The following RPS3A variants were observed in gnomAD, a reference collection of about 807,000 sequenced individuals.
RPS3A encodes the protein small ribosomal subunit protein eS1.
RPS3A carries 1 observed loss-of-function variant against 26.4 expected under a neutral mutation model. The ratio of observed to expected loss-of-function variants is 0.04; its 90% CI spans 0.01 to 0.18. RPS3A has a LOEUF of 0.18. RPS3A is among the 10% of genes least tolerant of loss of function. The pLI is 1.00. For synonymous variants in RPS3A, 97 were observed against 106.1 expected (o/e 0.91, Z 0.53); for missense variants, 139 against 326.8 (o/e 0.43, Z 4.43).
chr4:151,102,120 C>G (rs757243523), intron 3 of RPS3A: 2 of 515,104 alleles, frequency 3.9e-6, no homozygotes, highest in Non-Finnish European at 7.7e-6. Context: ...TTATATTTAT[C>G]CTGACATTCC....
intron 1 of RPS3A, 74 bp from the exon 2 acceptor site, chr4:151,100,411 G>T: frequency 1.2e-6 from 1 of 838,530 alleles, no homozygotes. Flanking sequence ...ATATTAATGG[G>T]AAATACCATT....
intron 1 of RPS3A, 77 bp downstream of exon 1, chr4:151,099,791 A>G: frequency 6.9e-7 from 1 of 1,454,642 alleles, no homozygotes. Context: ...ATCGCGGCGT[A>G]GGCCGGATGG....
At chr4:151,102,373 T>A (rs1466598653) in intron 3 of RPS3A, among the ~76,000 whole-genome samples, 1 of 152,202 alleles carries the variant, frequency 6.6e-6, no homozygotes, top group Non-Finnish European at 1.5e-5. Flanking sequence ...TCAGCATGGC[T>A]TTAGTTTGGA....
At chr4:151,100,346 C>T in intron 1 of RPS3A, 139 bp from the exon 2 acceptor site, 1 of 600,504 alleles carries the variant, frequency 1.7e-6, no homozygotes. Context: ...TGTTTGTTCC[C>T]CTCACCTCAC....
chr4:151,104,439 G>GTTTTTTGT, intron 5 of RPS3A, 33 bp from the exon 6 acceptor site: 2 of 710,328 alleles, frequency 2.8e-6, no homozygotes, highest in South Asian at 2.3e-5. Context: ...CAGTTTTTTG[G>GTTTTTTGT]TTTTTTTTTT....
At chr4:151,100,853 T>G in intron 2 of RPS3A, 122 bp from the exon 3 acceptor site, 1 of 691,400 alleles carries the variant, frequency 1.4e-6, no homozygotes, top group Non-Finnish European at 2.4e-6. Flanking sequence ...CTGGATAGAT[T>G]TGATAACAAA....
chr4:151,101,979 C>T (rs768793514), intron 3 of RPS3A: 26 of 477,602 alleles, frequency 5.4e-5, no homozygotes, highest in Non-Finnish European at 7.4e-5. Flanking sequence ...GTGATCTGCC[C>T]GCCTCAGCCT....
intron 4 of RPS3A, chr4:151,103,970 G>C: frequency 4.6e-6 from 7 of 1,518,586 alleles, no homozygotes; most frequent in Non-Finnish European, 5.3e-6. Context: ...TACTAACTTT[G>C]CCACTAGCTA....
intron 4 of RPS3A, 154 bp from the exon 5 acceptor site, chr4:151,104,023 A>G: frequency 6.7e-7 from 1 of 1,492,310 alleles, no homozygotes; most frequent in Non-Finnish European, 8.9e-7. Context: ...GTGAAAGGTA[A>G]ATAATGGCTT....
At chr4:151,101,844 T>G (rs1035380462) in intron 3 of RPS3A, among the ~76,000 whole-genome samples, 1 of 152,152 alleles carries the variant, frequency 6.6e-6, no homozygotes, top group African/African-American at 2.4e-5. Flanking sequence ...GGGATTCTCA[T>G]GCCTCAGCCT....
chr4:151,103,011 G>T lies in RPS3A; in HGVS notation c.495G>T (p.Arg165=), dbSNP rs1437076181. The T allele has an allele frequency of 6.2e-7, 1 of 1,601,642 alleles. No homozygotes were observed. The highest frequency in any genetic ancestry group is 8.5e-7 in the Non-Finnish European group (1 of 1,179,724). The change falls in exon 4 of 6, where the codon CGG becomes CGT. Residue 165 remains arginine (R), a synonymous_variant. Transcript: ENST00000274065. ...AGCACCAACAGGTCCGCCAAATCCG[G>T]AAGAAGATGATGGAAATCATGACCC... ...YAQHQQVRQI[R]KKMMEIMTRE...
At chr4:151,101,879 C>T (rs540776513) in intron 3 of RPS3A, among the ~76,000 whole-genome samples, 3 of 151,938 alleles carry the variant, frequency 2.0e-5, no homozygotes, top group African/African-American at 7.3e-5. Flanking sequence ...ATTACAGGCA[C>T]CCGCCACCAC....
intron 4 of RPS3A, chr4:151,103,872 A>G (rs371075230): frequency 5.1e-5 from 73 of 1,424,878 alleles, no homozygotes; most frequent in Non-Finnish European, 6.4e-5. Flanking sequence ...GGCCAGTGAT[A>G]ACAACATTTT....
chr4:151,102,826 G>A (rs769116663), intron 3 of RPS3A, 45 bp from the exon 4 acceptor site: 1 of 1,563,656 alleles, frequency 6.4e-7, no homozygotes, highest in South Asian at 1.2e-5. Flanking sequence ...GGGATAAATG[G>A]ATAACGTAAA....
At chr4:151,102,781 G>A in intron 3 of RPS3A, 90 bp from the exon 4 acceptor site, 8 of 1,379,096 alleles carry the variant, frequency 5.8e-6, no homozygotes, top group Non-Finnish European at 7.8e-6. Context: ...AATAATGAGT[G>A]TTTGACAATC....
chr4:151,102,422 T>C (rs1011148702), intron 3 of RPS3A, among the ~76,000 whole-genome samples: 2 of 152,218 alleles, frequency 1.3e-5, no homozygotes, highest in Admixed American at 6.5e-5. Context: ...TTTAGAGTTA[T>C]AGCAGTCACC....
Position 151,099,676 on chromosome 4 carries a change from C to T in RPS3A, c.24C>T (p.Arg8=), listed in dbSNP as rs200415657. MAVGKNK[R]LTKGGKKGAK... is the part of the protein sequence containing the mutation. ...CCATGGCGGTTGGCAAGAACAAGCG[C>T]CTTACGAAAGGCGGCAAAAAGGGAG... is the stretch of plus-strand genomic sequence containing the variant. Residue 8 remains arginine (R), a synonymous_variant, in exon 1 of 6, where the codon CGC becomes CGT. Coordinates refer to ENST00000274065, the MANE Select transcript of RPS3A (RefSeq NM_001006.5). 5.4e-5 allele frequency: 87 copies of T among 1,614,042 alleles called. No individual in the cohort carries two copies. The highest frequency in any genetic ancestry group is 7.3e-5 in the Non-Finnish European group (86 of 1,179,968).
intron 3 of RPS3A, 138 bp downstream of exon 3, chr4:151,101,300 T>C (rs1475809949): frequency 1.9e-6 from 1 of 534,558 alleles, no homozygotes; most frequent in African/African-American, 1.9e-5. Context: ...CATTTTAAAT[T>C]TTTGTTTTCT....
At position 151,104,369 on chromosome 4, in the gene RPS3A, T is replaced by G. The variant is rs370764935; in HGVS notation, c.673+83T>G. On this transcript the variant is annotated intron_variant, in intron 5 of 5. Transcript: ENST00000274065. ...AGGAGTGTGGGGCCATATCATGGCCTTCTTTTTCTTCCTGTCATGCTTGCA... is the reference window on the plus strand; with the variant it reads ...AGGAGTGTGGGGCCATATCATGGCCGTCTTTTTCTTCCTGTCATGCTTGCA... The G allele has an allele frequency of 7.4e-5, 113 of 1,518,308 alleles. 5 individuals carry two copies. Among genetic ancestry groups the G allele is most frequent in the East Asian group, 4.5e-4 (19 of 42,676 alleles). 94.1% of individuals were successfully genotyped at this position (1,518,308 alleles called of 1,614,324 possible).
Sources: allele counts gnomAD v4.1 joint callset (sites outside exome capture counted in the v4.1 genomes callset), GRCh38; gene constraint gnomAD v4.1.1; transcripts MANE v1.5; gene names NCBI Gene and HGNC (gene_info 2026-07-23, HGNC 2026-07-21).